The following SSRP1 variants were observed in gnomAD, a reference collection of about 807,000 sequenced individuals.
The protein encoded by SSRP1 is structure specific recognition protein 1.
In SSRP1, 21 loss-of-function variants were observed where a neutral mutation model predicts 84.4. The observed-to-expected ratio is 0.25, with a 90% CI of 0.18 to 0.36. The LOEUF is 0.36. Among genes scored for constraint, SSRP1 ranks in the 10% least tolerant of loss-of-function variants. SSRP1 has a pLI of 1.00. For synonymous variants in SSRP1, 319 were observed against 318.3 expected (o/e 1.00, Z -0.02); for missense variants, 519 against 900.8 (o/e 0.58, Z 5.43).
At position 57,326,328 on chromosome 11, in the gene SSRP1, A is replaced by G. The variant is rs923029924; in HGVS notation, c.*79T>C. 1.2e-5 allele frequency: 16 copies of G among 1,358,216 alleles called. No homozygotes were observed. In the African/African-American group the frequency reaches 2.3e-4, roughly 19 times the overall value. 84.1% of individuals were successfully genotyped at this position (1,358,216 alleles called of 1,614,324 possible). On this transcript the variant is annotated 3_prime_UTR_variant, in exon 17 of 17. Coordinates refer to ENST00000278412, the MANE Select transcript of SSRP1 (RefSeq NM_003146.3). Reference sequence around the variant, plus strand: ...CAGAATCCAGGGACTGCATTTCATGAGGAGAAACTGGTACCAAAATATGGG... The same window carrying G: ...CAGAATCCAGGGACTGCATTTCATGGGGAGAAACTGGTACCAAAATATGGG...
rs764928327 is a variant in SSRP1, at chr11:57,332,685, G to A, written c.708C>T (p.Tyr236=). 1.1e-5 allele frequency: 17 copies of A among 1,613,972 alleles called. No individual in the cohort carries two copies. Among genetic ancestry groups the A allele is most frequent in the East Asian group, 6.7e-5 (3 of 44,902 alleles). ...ACAAAAACAGACGCAGTACTGTGGT[G>A]TAGGGGATCTTGTAGTCAAAGGTCT... ...HGKTFDYKIP[Y]TTVLRLFLLP... is the part of the protein sequence containing the mutation. Residue 236 remains tyrosine (Y), a synonymous_variant, in exon 6 of 17, where the codon TAC becomes TAT. Coordinates refer to ENST00000278412, the MANE Select transcript of SSRP1 (RefSeq NM_003146.3). The surrounding 1 kb of genome is among the most constrained non-coding windows in gnomAD (Gnocchi z 5.5).
At position 57,332,451 on chromosome 11, in the gene SSRP1, A is replaced by T. The variant is rs769585794; in HGVS notation, c.804T>A (p.Thr268=). 2.5e-6 allele frequency: 4 copies of T among 1,613,984 alleles called. No homozygotes were observed. The African/African-American group carries it at 5.3e-5, about 22-fold the overall frequency. The change falls in exon 7 of 17, where the codon ACT becomes ACA. Residue 268 remains threonine (T), a synonymous_variant. Transcript: ENST00000278412. This position sits in a 1 kb window ranked among gnomAD's most constrained non-coding sequence, Gnocchi z 5.5. ...SLDPPIKQGQ[T]RYHFLILLFS... Reference sequence around the variant, plus strand: ...AGAGGAGGATCAGGAAGTGGTAGCGAGTTTGGCCTTGCTTGATTGGGGGAT... The same window carrying T: ...AGAGGAGGATCAGGAAGTGGTAGCGTGTTTGGCCTTGCTTGATTGGGGGAT...
In SSRP1 at chr11:57,330,276, C is replaced by T. The variant is rs957697629; in HGVS notation, c.1435+15G>A. The T allele has an allele frequency of 3.7e-5, 60 of 1,614,060 alleles. No homozygotes were observed. The highest frequency in any genetic ancestry group is 9.3e-5 in the African/African-American group (7 of 74,946). On this transcript the variant is annotated intron_variant, in intron 11 of 16. Transcript: ENST00000278412. The surrounding 1 kb of genome is among the most constrained non-coding windows in gnomAD (Gnocchi z 4.0). ...CGTCTGACCATCCTCGTGCTCAGCA[C>T]GGAGGCTAACCCACCGGTTTCTTCT...
At chr11:57,329,767 A>C in intron 12 of SSRP1, 1 of 434,462 alleles carries the variant, frequency 2.3e-6, no homozygotes, top group Non-Finnish European at 4.2e-6. Flanking sequence ...AGATTCAATG[A>C]CTTACTCGAC....
chr11:57,326,680 C>T, intron 16 of SSRP1, 23 bp downstream of exon 16: 1 of 1,609,048 alleles, frequency 6.2e-7, no homozygotes, highest in Non-Finnish European at 8.5e-7. Flanking sequence ...GCCCAGCCCA[C>T]AGGCCCCACA....
In SSRP1 at chr11:57,334,775, G is replaced by C. The variant is rs535643836; in HGVS notation, c.55-127C>G. On this transcript the variant is annotated intron_variant, in intron 2 of 16. Coordinates refer to ENST00000278412, the MANE Select transcript of SSRP1 (RefSeq NM_003146.3). ...GATTATCAATGCAGGAGCAACAGCTGAGGGTGCCAAGGAGTCTAGATTCTA... is the reference window on the plus strand; with the variant it reads ...GATTATCAATGCAGGAGCAACAGCTCAGGGTGCCAAGGAGTCTAGATTCTA... The C allele has an allele frequency of 2.6e-6, 3 of 1,163,376 alleles. No individual in the cohort carries two copies. In the South Asian group the frequency reaches 4.3e-5, roughly 17 times the overall value. The allele number at this position is 1,163,376 out of a possible 1,614,324, so 72.1% of individuals were successfully genotyped here. A position where few individuals can be genotyped will look rare whatever the true frequency, so the allele number is the denominator to read the frequency against.
rs1309951747 is a variant in SSRP1 at position 57,334,333 on chromosome 11, C to T, written c.240+130G>A. 5.7e-6 allele frequency: 6 copies of T among 1,061,014 alleles called. No individual in the cohort carries two copies. In the Admixed American group the frequency reaches 6.9e-5, roughly 12 times the overall value. 65.7% of individuals were successfully genotyped at this position (1,061,014 alleles called of 1,614,324 possible). A position where few individuals can be genotyped will look rare whatever the true frequency, so the allele number is the denominator to read the frequency against. ...AGCCAAACACTGATTGCCTGATGGC[C>T]TCACAGCCCTGCTCTAAGGAGCCCA... On this transcript the variant is annotated intron_variant, in intron 3 of 16. Coordinates refer to ENST00000278412, the MANE Select transcript of SSRP1 (RefSeq NM_003146.3).
intron 4 of SSRP1, 111 bp downstream of exon 4, chr11:57,333,324 A>G (rs1390769602): frequency 2.3e-5 from 27 of 1,175,158 alleles, no homozygotes; most frequent in East Asian, 9.4e-5. Context: ...TGAACATGCA[A>G]ATAGATAGGA....
Position 57,332,175 on chromosome 11 carries a change from G to C in SSRP1, c.978C>G (p.Ile326Met). Residue 326 changes from isoleucine (I) to methionine (M), a missense_variant, in exon 8 of 17, where the codon ATC becomes ATG. Ile to Met is a conservative substitution (Grantham distance 10, BLOSUM62 1). This residue lies in a region of SSRP1 where 159 missense variants were observed against 359.0 expected (regional missense o/e 0.44). Coordinates refer to ENST00000278412, the MANE Select transcript of SSRP1 (RefSeq NM_003146.3). The surrounding 1 kb of genome is among the most constrained non-coding windows in gnomAD (Gnocchi z 5.5). ...RVMKALVNRK[I>M]TVPGNFQGHS... is the part of the protein sequence containing the mutation. ...ACCCTTGGAAGTTGCCTGGCACTGTGATCTTGCGGTTTACCAGTGCTTTCA... is the reference window on the plus strand; with the variant it reads ...ACCCTTGGAAGTTGCCTGGCACTGTCATCTTGCGGTTTACCAGTGCTTTCA... 6.2e-7 allele frequency: 1 copy of C among 1,613,862 alleles called. No individual in the cohort carries two copies. The highest frequency in any genetic ancestry group is 8.5e-7 in the Non-Finnish European group (1 of 1,180,028).
In SSRP1 at chr11:57,329,562, T is replaced by C. The variant is rs558307933; in HGVS notation, c.1481+531A>G. 6.8e-5 allele frequency: 11 copies of C among 160,768 alleles called. No individual in the cohort carries two copies. In the East Asian group the frequency reaches 8.8e-4, roughly 13 times the overall value. The allele number at this position is 160,768 out of a possible 1,614,324, so 10.0% of individuals were successfully genotyped here. On this transcript the variant is annotated intron_variant, in intron 12 of 16. Coordinates refer to ENST00000278412, the MANE Select transcript of SSRP1 (RefSeq NM_003146.3). ...TTTTAATTAAGGAAATCGGAAGAAA[T>C]AGATTTGAGCGCCTGAATCCAGTAG...
intron 14 of SSRP1, 43 bp from the exon 15 acceptor site, chr11:57,327,557 C>A (rs1476116863): frequency 6.2e-7 from 1 of 1,611,194 alleles, no homozygotes; most frequent in African/African-American, 1.3e-5. Context: ...TAAGACCTCT[C>A]CCATCTCCCC....
At position 57,334,495 on chromosome 11, in the gene SSRP1, G is replaced by A; in HGVS notation, c.208C>T (p.His70Tyr). 1 of 1,614,196 alleles carries A rather than the reference G, an allele frequency of 6.2e-7. No homozygotes were observed. Among genetic ancestry groups the A allele is most frequent in the South Asian group, 1.1e-5 (1 of 91,080 alleles). ...CGGAAGCCATCATACTTGTAGACATGGCCATTCTTTGTAAGCAGTTTAAGT... is the reference window on the plus strand; with the variant it reads ...CGGAAGCCATCATACTTGTAGACATAGCCATTCTTTGTAAGCAGTTTAAGT... The part of the protein sequence containing the change: ...HGLKLLTKNG[H>Y]VYKYDGFRES... Residue 70 changes from histidine to tyrosine, a missense_variant, in exon 3 of 17, where the codon CAT becomes TAT. This residue lies in a region of SSRP1 where 88 missense variants were observed against 122.0 expected (regional missense o/e 0.72). Coordinates refer to ENST00000278412, the MANE Select transcript of SSRP1 (RefSeq NM_003146.3).
chr11:57,331,215 C>G (rs928274697), intron 9 of SSRP1, among the ~76,000 whole-genome samples: 3 of 152,084 alleles, frequency 2.0e-5, no homozygotes, highest in Non-Finnish European at 4.4e-5. Context: ...AAGTGTGGGG[C>G]AGGGGACGTG....
Position 57,333,500 on chromosome 11 carries a change from C to A in SSRP1, c.281G>T (p.Arg94Leu), listed in dbSNP as rs377522214. 37 of 1,613,848 alleles carry A rather than the reference C, an allele frequency of 2.3e-5. No homozygotes were observed. Among genetic ancestry groups the A allele is most frequent in the Non-Finnish European group, 2.8e-5 (33 of 1,180,030 alleles). The change falls in exon 4 of 17, where the codon CGC becomes CTC. Residue 94 changes from arginine to leucine, a missense_variant. Around this residue, in one of 7 missense-constraint regions of SSRP1, gnomAD observed 88 missense variants for 122.0 expected, o/e 0.72. Coordinates refer to ENST00000278412, the MANE Select transcript of SSRP1 (RefSeq NM_003146.3). ...AAGGTCCTTCTCCATTAGCTCAAGG[C>A]GATAGTGAGTTTTGAAGAAATCAGA... ...KLSDFFKTHY[R>L]LELMEKDLCV...
chr11:57,335,631 C>T lies in SSRP1; in HGVS notation c.-120+99G>A, dbSNP rs1159822286. 1 of 161,332 alleles carries T rather than the reference C, an allele frequency of 6.2e-6. No individual in the cohort carries two copies. The highest frequency in any genetic ancestry group is 5.8e-5 in the Admixed American group (1 of 17,148). The allele number at this position is 161,332 out of a possible 1,614,324, so 10.0% of individuals were successfully genotyped here. A position where few individuals can be genotyped will look rare whatever the true frequency, so the allele number is the denominator to read the frequency against. ...CCCCCGCCCCACATAATGGATTCGCCCGCTCCCCGCGGTTGCGAACGCGGA... is the reference window on the plus strand; with the variant it reads ...CCCCCGCCCCACATAATGGATTCGCTCGCTCCCCGCGGTTGCGAACGCGGA... On this transcript the variant is annotated intron_variant, in intron 1 of 16. Transcript: ENST00000278412. This position sits in a 1 kb window ranked among gnomAD's most constrained non-coding sequence, Gnocchi z 4.6.
rs1412909375 is a variant in SSRP1 at position 57,326,350 on chromosome 11, T to C, written c.*57A>G. 2 of 1,524,676 alleles carry C rather than the reference T, an allele frequency of 1.3e-6. No individual in the cohort carries two copies. Among genetic ancestry groups the C allele is most frequent in the South Asian group, 2.2e-5 (2 of 89,308 alleles). 94.4% of individuals were successfully genotyped at this position (1,524,676 alleles called of 1,614,324 possible). On this transcript the variant is annotated 3_prime_UTR_variant, in exon 17 of 17. Coordinates refer to ENST00000278412, the MANE Select transcript of SSRP1 (RefSeq NM_003146.3). Reference sequence around the variant, plus strand: ...ATGAGGAGAAACTGGTACCAAAATATGGGTGGGGAGTCGGGGGGTGTGAGA... The same window carrying C: ...ATGAGGAGAAACTGGTACCAAAATACGGGTGGGGAGTCGGGGGGTGTGAGA...
chr11:57,333,534 C>G lies in SSRP1; in HGVS notation c.247G>C (p.Glu83Gln). The part of the protein sequence containing the change: ...KYDGFRESEF[E>Q]KLSDFFKTHY... The stretch of plus-strand genomic sequence containing the variant: ...GTTTTGAAGAAATCAGAGAGTTTCT[C>G]AAACTCCTGTGGGTGGAGGGAAGAA... The change falls in exon 4 of 17, where the codon GAG (glutamate) becomes CAG (glutamine). Residue 83 changes from glutamate (E) to glutamine (Q), a missense_variant. Transcript: ENST00000278412. The G allele has an allele frequency of 6.2e-7, 1 of 1,613,114 alleles. No individual in the cohort carries two copies. The highest frequency in any genetic ancestry group is 8.5e-7 in the Non-Finnish European group (1 of 1,179,316).
rs1046160960 is a variant in SSRP1, at chr11:57,330,120, C to T, written c.1454G>A (p.Gly485Asp). 1 of 1,614,182 alleles carries T rather than the reference C, an allele frequency of 6.2e-7. No individual in the cohort carries two copies. Among genetic ancestry groups the T allele is most frequent in the Non-Finnish European group, 8.5e-7 (1 of 1,180,040 alleles). Residue 485 changes from glycine to aspartate, a missense_variant, in exon 12 of 17, where the codon GGT becomes GAT. By Grantham distance (94) the Gly-to-Asp change is moderately conservative. Coordinates refer to ENST00000278412, the MANE Select transcript of SSRP1 (RefSeq NM_003146.3). This position sits in a 1 kb window ranked among gnomAD's most constrained non-coding sequence, Gnocchi z 4.0. ...GEETDESFNPGEEEEDVAEEF... is the reference protein window; with the variant it reads ...GEETDESFNPDEEEEDVAEEF... ...CTCTGCCACATCTTCCTCCTCTTCA[C>T]CTGGGTTGAATGACTCATCTGAAAA...
chr11:57,330,579 G>A lies in SSRP1; in HGVS notation c.1297-150C>T, dbSNP rs544252318. 4.2e-6 allele frequency: 6 copies of A among 1,432,112 alleles called. No individual in the cohort carries two copies. The East Asian group carries it at 1.2e-4, about 29-fold the overall frequency. 88.7% of individuals were successfully genotyped at this position (1,432,112 alleles called of 1,614,324 possible). On this transcript the variant is annotated intron_variant, in intron 10 of 16. Coordinates refer to ENST00000278412, the MANE Select transcript of SSRP1 (RefSeq NM_003146.3). The surrounding 1 kb of genome is among the most constrained non-coding windows in gnomAD (Gnocchi z 4.0). Reference sequence around the variant, plus strand: ...TGTCCACACACAGCCAACGTGCAGGGCCTATGCCCAAGTACTTCCTGCCAA... The same window carrying A: ...TGTCCACACACAGCCAACGTGCAGGACCTATGCCCAAGTACTTCCTGCCAA...
Sources: gnomAD v4.1 joint callset for allele counts (sites outside exome capture counted in the v4.1 genomes callset) on GRCh38, gnomAD v4.1.1 for gene constraint, gnomAD v4.1.1 regional missense constraint, Gnocchi (gnomAD v3.1) non-coding constraint, MANE v1.5 for transcripts, NCBI Gene and HGNC (gene_info 2026-07-23, HGNC 2026-07-21) for gene names.